DPP10: variants seen among roughly 807,000 people sequenced by gnomAD.
The protein encoded by DPP10 is inactive dipeptidyl peptidase 10.
Under a neutral mutation model 120.9 loss-of-function variants are expected in DPP10, and 33 were observed. The observed-to-expected ratio is 0.27, with a 90% confidence interval of 0.21 to 0.37. DPP10 has a LOEUF of 0.37. Among genes scored for constraint, DPP10 ranks in the 10% least tolerant of loss-of-function variants. The pLI is 1.00. For missense variants in DPP10, 816 were observed against 942.8 expected (o/e 0.87, Z 1.76); for synonymous variants, 337 against 326.1 (o/e 1.03, Z -0.36).
At chr2:114,927,217 C>A (rs1173697262) in intron 1 of DPP10, among the ~76,000 whole-genome samples, 1 of 152,002 alleles carries the variant, frequency 6.6e-6, no homozygotes, top group East Asian at 1.9e-4. Context: ...CACTGTATCT[C>A]ATGCTGGATT....
intron 1 of DPP10, among the ~76,000 whole-genome samples, chr2:115,076,999 A>T (rs868324571): frequency 6.6e-6 from 1 of 152,206 alleles, no homozygotes; most frequent in Non-Finnish European, 1.5e-5. Flanking sequence ...ATTTCTGCAA[A>T]TATCTAGTTT....
At chr2:115,238,132 C>T (rs942538060) in intron 1 of DPP10, among the ~76,000 whole-genome samples, 1 of 152,146 alleles carries the variant, frequency 6.6e-6, no homozygotes, top group Non-Finnish European at 1.5e-5. Flanking sequence ...GACAGGCTGA[C>T]TCTTTTGTTA....
rs145210703 is a variant in DPP10 at position 115,149,717 on chromosome 2, C to T, written c.61-159522C>T. On this transcript the variant is annotated intron_variant, in intron 1 of 25. Transcript: ENST00000410059. ...CTGTTTGTTTGTTTGTTTGTTTTAA[C>T]ACCACAACCTGGTTGCAAGTGATAG... 3.5e-3 allele frequency among the ~76,000 whole-genome samples: 531 copies of T among 152,240 alleles called. 5 individuals are homozygous for T. Among genetic ancestry groups the T allele is most frequent in the African/African-American group, 0.012 (509 of 41,516 alleles).
intron 3 of DPP10, among the ~76,000 whole-genome samples, chr2:115,354,344 T>C (rs7561031): frequency 6.6e-6 from 1 of 151,888 alleles, no homozygotes; most frequent in East Asian, 2.0e-4. Flanking sequence ...CTACCCCCTC[T>C]TATTTTCACC....
chr2:115,673,869 G>A (rs1045643512), intron 5 of DPP10, among the ~76,000 whole-genome samples: 1 of 152,112 alleles, frequency 6.6e-6, no homozygotes, highest in African/African-American at 2.4e-5. Context: ...TGTATCTAAT[G>A]ATTTTTATGA....
At chr2:114,700,776 G>A (rs899184312) in intron 1 of DPP10, among the ~76,000 whole-genome samples, 8 of 151,970 alleles carry the variant, frequency 5.3e-5, no homozygotes, top group African/African-American at 1.4e-4. Context: ...TACCATAAAC[G>A]TCCCCTAACA....
intron 1 of DPP10, among the ~76,000 whole-genome samples, chr2:115,213,701 C>G (rs2056653240): frequency 6.6e-6 from 1 of 152,048 alleles, no homozygotes; most frequent in Non-Finnish European, 1.5e-5. Flanking sequence ...TTTATGTTTA[C>G]TAATATGCAT....
At chr2:114,551,087 C>G (rs1431273957) in intron 1 of DPP10, among the ~76,000 whole-genome samples, 4 of 152,150 alleles carry the variant, frequency 2.6e-5, no homozygotes, top group Non-Finnish European at 5.9e-5. Flanking sequence ...GCAATCCATC[C>G]TCCACTACAC....
At chr2:114,723,245 T>A (rs776329674) in intron 1 of DPP10, among the ~76,000 whole-genome samples, 14 of 152,218 alleles carry the variant, frequency 9.2e-5, no homozygotes, top group Non-Finnish European at 1.9e-4. Flanking sequence ...GTGTTTTCTG[T>A]TTCATGAGAA....
chr2:115,801,386 G>A (rs1432994787), intron 19 of DPP10, among the ~76,000 whole-genome samples: 4 of 152,282 alleles, frequency 2.6e-5, no homozygotes, highest in African/African-American at 7.2e-5. Flanking sequence ...TGCAAACAGG[G>A]ACAATTTGAC....
At chr2:115,042,580 C>T (rs1226591011) in intron 1 of DPP10, among the ~76,000 whole-genome samples, 1 of 152,154 alleles carries the variant, frequency 6.6e-6, no homozygotes, top group Non-Finnish European at 1.5e-5. Context: ...ATTTTGAACA[C>T]ATTTTACTCT....
chr2:114,615,681 C>T (rs1416591232), intron 1 of DPP10, among the ~76,000 whole-genome samples: 1 of 152,126 alleles, frequency 6.6e-6, no homozygotes, highest in African/African-American at 2.4e-5. Flanking sequence ...TACGATGCTT[C>T]TTACCCTTTC....
intron 1 of DPP10, among the ~76,000 whole-genome samples, chr2:114,796,516 T>C (rs149694042): frequency 0.013 from 1,919 of 152,206 alleles, 22 homozygotes; most frequent in Non-Finnish European, 0.02. Flanking sequence ...CAACTGTTGA[T>C]GTTACTGGTA....
chr2:115,589,838 A>T (rs757096266), intron 5 of DPP10, among the ~76,000 whole-genome samples: 1 of 152,178 alleles, frequency 6.6e-6, no homozygotes, highest in Non-Finnish European at 1.5e-5. Context: ...ATTTTCCAGT[A>T]TTACAATGGA....
At chr2:115,700,526 A>G (rs766687397) in intron 7 of DPP10, among the ~76,000 whole-genome samples, 3 of 152,212 alleles carry the variant, frequency 2.0e-5, no homozygotes, top group Non-Finnish European at 2.9e-5. Context: ...GATAAGAAAC[A>G]AGGCAAGGAT....
intron 1 of DPP10, among the ~76,000 whole-genome samples, chr2:114,772,594 T>C (rs1019559936): frequency 6.6e-6 from 1 of 152,194 alleles, no homozygotes; most frequent in African/African-American, 2.4e-5. Flanking sequence ...ACTTTCTCCG[T>C]AATTATTGTA....
intron 1 of DPP10, among the ~76,000 whole-genome samples, chr2:114,612,162 G>A (rs532296520): frequency 3.9e-5 from 6 of 152,122 alleles, no homozygotes; most frequent in South Asian, 4.2e-4. Context: ...CTTTTTCCAG[G>A]CCCTGCACGG....
intron 1 of DPP10, among the ~76,000 whole-genome samples, chr2:114,827,768 T>C (rs962288209): frequency 6.6e-6 from 1 of 152,200 alleles, no homozygotes; most frequent in Non-Finnish European, 1.5e-5. Context: ...GTAGATCAAG[T>C]ACAACTGAGA....
intron 1 of DPP10, among the ~76,000 whole-genome samples, chr2:115,255,848 A>G (rs992271299): frequency 6.6e-6 from 1 of 152,128 alleles, no homozygotes; most frequent in Admixed American, 6.5e-5. Flanking sequence ...GAAAGTTCCA[A>G]ACCTTCCCAC....
Sources: allele counts gnomAD v4.1 joint callset (sites outside exome capture counted in the v4.1 genomes callset), GRCh38; gene constraint gnomAD v4.1.1; transcripts MANE v1.5; gene names NCBI Gene and HGNC (gene_info 2026-07-23, HGNC 2026-07-21).